SYT9: variants seen among roughly 807,000 people sequenced by gnomAD.
The protein encoded by SYT9 is synaptotagmin-9.
A neutral mutation model predicts 48.4 loss-of-function variants in SYT9; 22 were observed. That is an observed-to-expected ratio of 0.45 (90% CI 0.32 to 0.65). SYT9 has a LOEUF of 0.65. SYT9 is among the 30% of genes least tolerant of loss of function. The probability of loss-of-function intolerance (pLI) is 0.03; values close to 1 mark genes in which losing one functional copy is unlikely to be tolerated. For missense variants in SYT9, 577 were observed against 622.0 expected, an observed-to-expected ratio of 0.93 and a Z score of 0.77; for synonymous variants, 265 against 245.0, an observed-to-expected ratio of 1.08 and a Z score of -0.76.
At chr11:7,263,649 AG>A (rs1212640112) in intron 1 of SYT9, among the ~76,000 whole-genome samples, 2 of 152,176 alleles carry the variant, frequency 1.3e-5, no homozygotes, top group Non-Finnish European at 2.9e-5. Context: ...CCTAGGTGGA[AG>A]GAAGGATCCC....
chr11:7,298,186 A>G (rs898531004), intron 1 of SYT9, among the ~76,000 whole-genome samples: 21 of 151,598 alleles, frequency 1.4e-4, no homozygotes, highest in Non-Finnish European at 2.5e-4. Flanking sequence ...TTTCATTTAA[A>G]TTTCCCAAGT....
At chr11:7,356,530 ACACCCTGCTG>A (rs1193084969) in intron 3 of SYT9, among the ~76,000 whole-genome samples, 1 of 152,108 alleles carries the variant, frequency 6.6e-6, no homozygotes, top group East Asian at 1.9e-4. Context: ...GGAGGAGAAG[ACACCCTGCTG>A]CACATTACTT....
At chr11:7,275,967 C>T (rs992232583) in intron 1 of SYT9, among the ~76,000 whole-genome samples, 3 of 152,058 alleles carry the variant, frequency 2.0e-5, no homozygotes, top group East Asian at 1.9e-4. Flanking sequence ...TTATTGTTTG[C>T]GCCTCACCCC....
intron 6 of SYT9, among the ~76,000 whole-genome samples, chr11:7,463,834 C>A (rs866327531): frequency 1.3e-5 from 2 of 152,190 alleles, no homozygotes; most frequent in Non-Finnish European, 2.9e-5. Context: ...CAGAGGCTGA[C>A]CTTGATTCTG....
At chr11:7,345,690 G>T (rs765555946) in intron 3 of SYT9, among the ~76,000 whole-genome samples, 2 of 152,278 alleles carry the variant, frequency 1.3e-5, no homozygotes, top group East Asian at 3.9e-4. Context: ...AAAAACAGTT[G>T]TATAGACTAG....
intron 3 of SYT9, among the ~76,000 whole-genome samples, chr11:7,362,477 C>T (rs1850159575): frequency 6.6e-6 from 1 of 152,076 alleles, no homozygotes; most frequent in Non-Finnish European, 1.5e-5. Flanking sequence ...GAAATGGTCA[C>T]TGATCATCCT....
chr11:7,381,762 GTTACT>G (rs1850569184), intron 3 of SYT9, among the ~76,000 whole-genome samples: 1 of 152,142 alleles, frequency 6.6e-6, no homozygotes, highest in Admixed American at 6.6e-5. Flanking sequence ...AGGCACAGAG[GTTACT>G]GAGATTGAGC....
chr11:7,243,997 T>A (rs1261685190), intron 1 of SYT9, among the ~76,000 whole-genome samples: 1 of 152,010 alleles, frequency 6.6e-6, no homozygotes, highest in African/African-American at 2.4e-5. Context: ...TCCAGGTTTT[T>A]CTCAGTCTCA....
chr11:7,463,002 T>G (rs1193727881), intron 6 of SYT9, among the ~76,000 whole-genome samples: 2 of 152,256 alleles, frequency 1.3e-5, no homozygotes, highest in Non-Finnish European at 2.9e-5. Flanking sequence ...TCAATTCAAT[T>G]TAATTCAAAT....
At chr11:7,455,114 C>G (rs996689365) in intron 6 of SYT9, among the ~76,000 whole-genome samples, 7 of 151,724 alleles carry the variant, frequency 4.6e-5, no homozygotes, top group African/African-American at 1.7e-4. Context: ...CAATAAAAGC[C>G]TCTAAACCTT....
intron 3 of SYT9, among the ~76,000 whole-genome samples, chr11:7,355,163 G>A (rs1219436891): frequency 1.3e-5 from 2 of 152,164 alleles, no homozygotes; most frequent in Non-Finnish European, 2.9e-5. Flanking sequence ...TCTGAAAAAG[G>A]CAGAATGCTC....
intron 6 of SYT9, among the ~76,000 whole-genome samples, chr11:7,466,106 T>A (rs184088555): frequency 6.6e-6 from 1 of 152,342 alleles, no homozygotes; most frequent in Admixed American, 6.5e-5. Flanking sequence ...ATTCCTTCAA[T>A]GCACCATGCC....
Position 7,427,630 on chromosome 11 carries a change from C to A in SYT9, c.1467+6995C>A, listed in dbSNP as rs889612984. 4 of 152,184 alleles carry A rather than the reference C, an allele frequency of 2.6e-5. No homozygotes were observed. In the East Asian group the frequency reaches 7.7e-4, roughly 29 times the overall value. The allele number at this position is 152,184 out of a possible 1,614,324, so 9.4% of individuals were successfully genotyped here. On this transcript the variant is annotated intron_variant, in intron 6 of 6. Transcript: ENST00000318881. ...AATATATTTTAGCAGCAGTTTTACA[C>A]AAGGTAATGCTTTGCCCCATCTACC...
intron 1 of SYT9, among the ~76,000 whole-genome samples, chr11:7,290,881 G>C (rs919313903): frequency 1.3e-5 from 2 of 152,136 alleles, no homozygotes; most frequent in Non-Finnish European, 2.9e-5. Context: ...AGTCAAACTA[G>C]GTAATTTGAG....
intron 3 of SYT9, among the ~76,000 whole-genome samples, chr11:7,362,840 G>T (rs992001569): frequency 3.3e-5 from 5 of 150,880 alleles, no homozygotes; most frequent in Non-Finnish European, 4.4e-5. Flanking sequence ...TACATATATC[G>T]CCATGACTGA....
At chr11:7,463,553 C>T (rs1350372634) in intron 6 of SYT9, among the ~76,000 whole-genome samples, 3 of 152,208 alleles carry the variant, frequency 2.0e-5, no homozygotes, top group African/African-American at 7.2e-5. Flanking sequence ...TTTTTCAGAA[C>T]TGACTTGTAT....
chr11:7,459,826 C>T (rs1020101565), intron 6 of SYT9, among the ~76,000 whole-genome samples: 2 of 152,066 alleles, frequency 1.3e-5, no homozygotes, highest in East Asian at 1.9e-4. Flanking sequence ...CAGCTATAAG[C>T]GAAGGATTGC....
chr11:7,243,727 T>C (rs1025509859), intron 1 of SYT9, among the ~76,000 whole-genome samples: 1 of 152,122 alleles, frequency 6.6e-6, no homozygotes, highest in African/African-American at 2.4e-5. Flanking sequence ...CTGTGGGCAA[T>C]GAGGAAAGGG....
chr11:7,266,187 T>C (rs1848177912), intron 1 of SYT9, among the ~76,000 whole-genome samples: 1 of 150,382 alleles, frequency 6.6e-6, no homozygotes, highest in African/African-American at 2.5e-5. Context: ...GAGAAAACAG[T>C]GCTGCTTGCT....
Sources: allele counts gnomAD v4.1 joint callset (sites outside exome capture counted in the v4.1 genomes callset), GRCh38; gene constraint gnomAD v4.1.1; transcripts MANE v1.5; gene names NCBI Gene and HGNC (gene_info 2026-07-23, HGNC 2026-07-21).